SEMA3A: variants seen among roughly 807,000 people sequenced by gnomAD.
SEMA3A encodes the protein semaphorin 3A, also known as semaphorin-3A.
SEMA3A carries 29 observed loss-of-function variants against 97.9 expected under a neutral mutation model. That is an observed-to-expected ratio of 0.30 (90% CI 0.22 to 0.40). The LOEUF (loss-of-function observed/expected upper bound fraction) is 0.40, where lower values mean the gene tolerates loss of function less well. Among genes scored for constraint, SEMA3A ranks in the 10% least tolerant of loss-of-function variants. The pLI, the probability that SEMA3A is intolerant of heterozygous loss-of-function variation, is 1.00. For missense variants in SEMA3A, 763 were observed against 951.3 expected, an observed-to-expected ratio of 0.80 and a Z score of 2.60; for synonymous variants, 321 against 323.7, an observed-to-expected ratio of 0.99 and a Z score of 0.09.
intron 14 of SEMA3A, 86 bp from the exon 15 acceptor site, chr7:83,977,282 AT>A: frequency 3.6e-6 from 2 of 557,726 alleles, no homozygotes; most frequent in African/African-American, 3.9e-5. Context: ...GAAATAAAAT[AT>A]ATATATATAT....
At chr7:84,353,801 G>A (rs2189119) in intron 2 of SEMA3A, among the ~76,000 whole-genome samples, 43,520 of 151,390 alleles carry the variant, frequency 0.29, 6,749 homozygotes, top group African/African-American at 0.38. Context: ...GTTAAAATAT[G>A]GTAAAACATG....
chr7:84,354,793 C>A (rs888142624), intron 2 of SEMA3A, among the ~76,000 whole-genome samples: 1 of 151,594 alleles, frequency 6.6e-6, no homozygotes, highest in Non-Finnish European at 1.5e-5. Context: ...GTATGCCCCA[C>A]ACGCAGAACA....
intron 1 of SEMA3A, among the ~76,000 whole-genome samples, chr7:84,441,896 CA>C (rs759120192): frequency 6.6e-6 from 1 of 152,176 alleles, no homozygotes; most frequent in African/African-American, 2.4e-5. Flanking sequence ...ATGCAAAAAA[CA>C]AACAAAACAA....
At chr7:84,300,032 C>CAAAAAAAAAAAAAAAA in intron 3 of SEMA3A, among the ~76,000 whole-genome samples, 1 of 53,312 alleles carries the variant, frequency 1.9e-5, no homozygotes, top group Non-Finnish European at 3.9e-5. Context: ...GACTCAGTCA[C>CAAAAAAAAAAAAAAAA]AAAAAAAAAA....
chr7:84,226,791 A>C (rs1365944596), intron 3 of SEMA3A, among the ~76,000 whole-genome samples: 2 of 152,126 alleles, frequency 1.3e-5, no homozygotes, highest in Admixed American at 1.3e-4. Context: ...TTTGGTATAC[A>C]GTTTTCAAAA....
chr7:84,061,183 T>C (rs1480237250), intron 4 of SEMA3A, among the ~76,000 whole-genome samples: 2 of 152,206 alleles, frequency 1.3e-5, no homozygotes, highest in Non-Finnish European at 2.9e-5. Flanking sequence ...AGGAGAGCAG[T>C]GTGCCTGGAG....
At chr7:84,364,018 T>C (rs1802785951) in intron 2 of SEMA3A, among the ~76,000 whole-genome samples, 1 of 151,772 alleles carries the variant, frequency 6.6e-6, no homozygotes, top group Non-Finnish European at 1.5e-5. Context: ...TGTTCAAAAA[T>C]AATGAAACAA....
At chr7:84,251,945 G>A (rs1383766580) in intron 3 of SEMA3A, among the ~76,000 whole-genome samples, 3 of 152,094 alleles carry the variant, frequency 2.0e-5, no homozygotes, top group African/African-American at 7.2e-5. Context: ...TACTTATTGA[G>A]ACTAGAGAAT....
At chr7:84,433,755 T>C (rs1474945292) in intron 1 of SEMA3A, among the ~76,000 whole-genome samples, 1 of 152,188 alleles carries the variant, frequency 6.6e-6, no homozygotes, top group Non-Finnish European at 1.5e-5. Flanking sequence ...TTCTGACTTT[T>C]TAATGATCAC....
chr7:84,008,632 TC>T (rs34257471), intron 9 of SEMA3A, among the ~76,000 whole-genome samples: 1 of 151,526 alleles, frequency 6.6e-6, no homozygotes, highest in East Asian at 1.9e-4. Flanking sequence ...TAAACAAACT[TC>T]CCCCTTGAAA....
At chr7:84,165,232 T>A (rs1562825157) in intron 1 of SEMA3A, among the ~76,000 whole-genome samples, 1 of 146,604 alleles carries the variant, frequency 6.8e-6, no homozygotes, top group Admixed American at 6.7e-5. Context: ...ATAAATAAAA[T>A]ATCTCTGCTG....
At chr7:84,467,543 A>C (rs936911995) in intron 1 of SEMA3A, among the ~76,000 whole-genome samples, 1 of 151,630 alleles carries the variant, frequency 6.6e-6, no homozygotes, top group Non-Finnish European at 1.5e-5. Flanking sequence ...AAAAAAAAAA[A>C]AAAAAAAATT....
At chr7:84,236,156 A>G (rs1021261035) in intron 3 of SEMA3A, among the ~76,000 whole-genome samples, 5 of 152,094 alleles carry the variant, frequency 3.3e-5, no homozygotes, top group Admixed American at 2.6e-4. Flanking sequence ...TAAGTGCACC[A>G]CTGGCCACTC....
At chr7:84,277,423 A>G (rs934232570) in intron 3 of SEMA3A, among the ~76,000 whole-genome samples, 14 of 152,116 alleles carry the variant, frequency 9.2e-5, no homozygotes, top group African/African-American at 3.4e-4. Context: ...AATCCACAAA[A>G]TAATGAGCAC....
intron 2 of SEMA3A, among the ~76,000 whole-genome samples, chr7:84,314,671 G>A (rs1360919595): frequency 6.6e-6 from 1 of 152,158 alleles, no homozygotes; most frequent in African/African-American, 2.4e-5. Flanking sequence ...TAGACTCACT[G>A]AACTATGCAA....
chr7:84,425,347 A>C lies in SEMA3A; in HGVS notation c.-245-53447T>G, dbSNP rs1265453555. ...AAATATAAATATAATATATTGATAT[A>C]AATATATACATATACTATATTAATA... On this transcript the variant is annotated intron_variant, in intron 1 of 3. Coordinates refer to the SEMA3A transcript ENST00000424555. 4.6e-4 allele frequency among the ~76,000 whole-genome samples: 59 copies of C among 129,586 alleles called. 1 individual carries two copies. The highest frequency in any genetic ancestry group is 3.9e-4 in the Non-Finnish European group (25 of 64,446). 85.0% of individuals were successfully genotyped at this position (129,586 alleles called of 152,430 possible).
At chr7:84,212,326 C>T (rs1038567595) in intron 3 of SEMA3A, among the ~76,000 whole-genome samples, 5 of 152,146 alleles carry the variant, frequency 3.3e-5, no homozygotes, top group African/African-American at 1.2e-4. Flanking sequence ...CTATTTAGAA[C>T]ACACAGTTTT....
At chr7:84,420,188 G>GA (rs76093080) in intron 1 of SEMA3A, among the ~76,000 whole-genome samples, 79 of 144,170 alleles carry the variant, frequency 5.5e-4, no homozygotes, top group African/African-American at 9.7e-4. Flanking sequence ...TCATTCACAG[G>GA]AAAAAAAAAA....
intron 5 of SEMA3A, among the ~76,000 whole-genome samples, chr7:84,051,687 T>C (rs992573405): frequency 1.3e-5 from 2 of 152,128 alleles, no homozygotes; most frequent in African/African-American, 2.4e-5. Context: ...CTTTTCCTAA[T>C]TGAATACCCT....
Sources: gnomAD v4.1 joint callset for allele counts (sites outside exome capture counted in the v4.1 genomes callset) on GRCh38, gnomAD v4.1.1 for gene constraint, MANE v1.5 for transcripts, NCBI Gene and HGNC (gene_info 2026-07-23, HGNC 2026-07-21) for gene names.